Variants in RBFOX1 observed in about 807,000 individuals in gnomAD.
The protein encoded by RBFOX1 is RNA binding fox-1 homolog 1, also known as RNA binding protein fox-1 homolog 1.
Under a neutral mutation model 57.7 loss-of-function variants are expected in RBFOX1, and 8 were observed. The ratio of observed to expected loss-of-function variants is 0.14; its 90% CI spans 0.08 to 0.25. The LOEUF (loss-of-function observed/expected upper bound fraction) is 0.25. Ranked by LOEUF, RBFOX1 falls within the 10% of genes least tolerant of loss-of-function variation. RBFOX1 has a pLI of 1.00. For missense variants in RBFOX1, 611 were observed against 548.5 expected (o/e 1.11, Z -1.14); for synonymous variants, 326 against 222.4 (o/e 1.47, Z -4.15).
intron 3 of RBFOX1, among the ~76,000 whole-genome samples, chr16:6,659,697 C>T (rs2098689035): frequency 6.6e-6 from 1 of 152,246 alleles, no homozygotes; most frequent in South Asian, 2.1e-4. Context: ...AGGCTTTCAG[C>T]TCCCACATTG....
At chr16:7,615,147 T>C (rs984477603) in intron 10 of RBFOX1, among the ~76,000 whole-genome samples, 2 of 152,076 alleles carry the variant, frequency 1.3e-5, no homozygotes, top group African/African-American at 4.8e-5. Flanking sequence ...TCCTGGCTAA[T>C]ACGGTGAAAC....
In RBFOX1 at chr16:6,821,934, C is replaced by T. The variant is rs142617863; in HGVS notation, c.-16+167284C>T. Among the ~76,000 whole-genome samples, 571 of 152,244 alleles carry T rather than the reference C, an allele frequency of 3.8e-3. 2 individuals are homozygous for T. Among genetic ancestry groups the T allele is most frequent in the African/African-American group, 0.013 (533 of 41,548 alleles). ...AACCCTTTGAGGAAACTCTGTTTTTCACAGCTCTAGTTTCTGATGTGATTG... is the reference window on the plus strand; with the variant it reads ...AACCCTTTGAGGAAACTCTGTTTTTTACAGCTCTAGTTTCTGATGTGATTG... On this transcript the variant is annotated intron_variant, in intron 3 of 15. Coordinates refer to ENST00000550418, the MANE Select transcript of RBFOX1 (RefSeq NM_018723.4).
chr16:5,888,125 A>T (rs1191959906), intron 4 of RBFOX1, among the ~76,000 whole-genome samples: 1 of 152,112 alleles, frequency 6.6e-6, no homozygotes, highest in Non-Finnish European at 1.5e-5. Flanking sequence ...CCACTTGCTC[A>T]TTCCCCAGCT....
intron 3 of RBFOX1, among the ~76,000 whole-genome samples, chr16:5,710,439 G>A (rs2051443619): frequency 6.6e-6 from 1 of 152,182 alleles, no homozygotes; most frequent in African/African-American, 2.4e-5. Flanking sequence ...TCCAAGAGGA[G>A]GGGAAGAGAC....
intron 5 of RBFOX1, among the ~76,000 whole-genome samples, chr16:7,534,155 C>T (rs965419870): frequency 1.4e-5 from 2 of 148,002 alleles, no homozygotes; most frequent in Non-Finnish European, 3.0e-5. Flanking sequence ...GGCTCGATCT[C>T]GGCTCACTGC....
chr16:6,338,595 T>A (rs1315840181), intron 2 of RBFOX1, among the ~76,000 whole-genome samples: 1 of 152,346 alleles, frequency 6.6e-6, no homozygotes, highest in African/African-American at 2.4e-5. Context: ...GAAATCTAAG[T>A]TCTTGGCTTT....
intron 2 of RBFOX1, among the ~76,000 whole-genome samples, chr16:6,381,923 A>G (rs1055354604): frequency 6.6e-6 from 1 of 152,180 alleles, no homozygotes; most frequent in Non-Finnish European, 1.5e-5. Flanking sequence ...GGCAGAGACC[A>G]TGTCCGGCTG....
intron 1 of RBFOX1, among the ~76,000 whole-genome samples, chr16:5,381,381 C>G (rs978468027): frequency 1.3e-5 from 2 of 152,222 alleles, no homozygotes; most frequent in Non-Finnish European, 2.9e-5. Context: ...CTGTCCTTAG[C>G]AAATTGTGTC....
chr16:7,317,566 C>T (rs1362906117), intron 4 of RBFOX1, among the ~76,000 whole-genome samples: 1 of 152,122 alleles, frequency 6.6e-6, no homozygotes, highest in Admixed American at 6.6e-5. Flanking sequence ...AGGCACTCAC[C>T]AGCTTGGTAA....
At chr16:6,473,150 C>T (rs1006646150) in intron 2 of RBFOX1, among the ~76,000 whole-genome samples, 6 of 152,166 alleles carry the variant, frequency 3.9e-5, no homozygotes, top group Admixed American at 6.5e-5. Flanking sequence ...TACCTCCTGA[C>T]TCTTGGCTCT....
chr16:6,610,090 A>G (rs116452707), intron 2 of RBFOX1, among the ~76,000 whole-genome samples: 1,966 of 152,240 alleles, frequency 0.013, 59 homozygotes, highest in African/African-American at 0.044. Flanking sequence ...CCAGACAGAA[A>G]TAAAATAAGA....
At chr16:7,594,559 C>T (rs1301825907) in intron 7 of RBFOX1, among the ~76,000 whole-genome samples, 1 of 151,974 alleles carries the variant, frequency 6.6e-6, no homozygotes. Context: ...CGGATTTTGA[C>T]AATATAGTTT....
At chr16:6,609,117 C>T (rs756545053) in intron 2 of RBFOX1, among the ~76,000 whole-genome samples, 1 of 152,182 alleles carries the variant, frequency 6.6e-6, no homozygotes, top group Non-Finnish European at 1.5e-5. Flanking sequence ...GTCTGCTAAT[C>T]AGCAACCTTG....
At chr16:7,582,537 G>C (rs2093852654) in intron 6 of RBFOX1, among the ~76,000 whole-genome samples, 1 of 152,118 alleles carries the variant, frequency 6.6e-6, no homozygotes, top group African/African-American at 2.4e-5. Flanking sequence ...CTTGTTATAG[G>C]ATACATTTAG....
chr16:7,569,315 T>G (rs557519168), intron 5 of RBFOX1, among the ~76,000 whole-genome samples: 41 of 152,284 alleles, frequency 2.7e-4, no homozygotes, highest in Non-Finnish European at 5.0e-4. Flanking sequence ...CAGGATGATA[T>G]TTCTATAGGC....
intron 4 of RBFOX1, among the ~76,000 whole-genome samples, chr16:7,176,875 A>G (rs925286238): frequency 1.3e-5 from 2 of 152,236 alleles, no homozygotes; most frequent in African/African-American, 4.8e-5. Flanking sequence ...GAAAGCAGGA[A>G]TGGGGGGAGA....
intron 5 of RBFOX1, among the ~76,000 whole-genome samples, chr16:7,528,408 G>C (rs2152339458): frequency 6.6e-6 from 1 of 152,286 alleles, no homozygotes; most frequent in South Asian, 2.1e-4. Context: ...CTAGACAAAG[G>C]ACTGATGTAA....
intron 3 of RBFOX1, among the ~76,000 whole-genome samples, chr16:6,983,974 G>C (rs1367909312): frequency 1.3e-5 from 2 of 152,182 alleles, no homozygotes; most frequent in Admixed American, 6.5e-5. Flanking sequence ...CTGGCCTGGA[G>C]TGGTGGCTGA....
chr16:7,015,689 T>C (rs959474419), intron 3 of RBFOX1, among the ~76,000 whole-genome samples: 3 of 152,180 alleles, frequency 2.0e-5, no homozygotes, highest in African/African-American at 7.2e-5. Context: ...TTTTTATGAC[T>C]AGCGGTCTAG....
Sources: allele counts gnomAD v4.1 joint callset (sites outside exome capture counted in the v4.1 genomes callset), GRCh38; gene constraint gnomAD v4.1.1; transcripts MANE v1.5; gene names NCBI Gene and HGNC (gene_info 2026-07-23, HGNC 2026-07-21).